Variants in MYO19 observed in about 807,000 individuals in gnomAD.
MYO19 encodes myosin XIX.
In MYO19, 132 loss-of-function variants were observed where a neutral mutation model predicts 129.2. That is an observed-to-expected ratio of 1.02 (90% CI 0.89 to 1.18). MYO19 has a LOEUF of 1.18. Among genes scored for constraint, MYO19 ranks in the 50% most tolerant of loss-of-function variants. The pLI is 0.00. For synonymous variants in MYO19, 531 were observed against 477.2 expected, an observed-to-expected ratio of 1.11 and a Z score of -1.47; for missense variants, 1,210 against 1,216.7, an observed-to-expected ratio of 0.99 and a Z score of 0.08.
rs1263880403 is a variant in MYO19, at chr17:36,528,215, A to T, written c.13-13T>A. The T allele has an allele frequency of 1.2e-5, 18 of 1,560,594 alleles. No individual in the cohort carries two copies. Among genetic ancestry groups the T allele is most frequent in the Non-Finnish European group, 1.5e-5 (17 of 1,151,778 alleles). Reference sequence around the variant, plus strand: ...TGTGGCCATTGACCTGGAAGAGATAACGTGAAGGTGAGGCCAGGCACAGTG... The same window carrying T: ...TGTGGCCATTGACCTGGAAGAGATATCGTGAAGGTGAGGCCAGGCACAGTG... On this transcript the variant is annotated splice_polypyrimidine_tract_variant and intron_variant, in intron 3 of 25. Transcript: ENST00000614623.
At chr17:36,529,657 G>A (rs947562603) in intron 3 of MYO19, among the ~76,000 whole-genome samples, 2 of 152,022 alleles carry the variant, frequency 1.3e-5, no homozygotes, top group Non-Finnish European at 1.5e-5. Context: ...GAGTAACTGC[G>A]GAGGTCAGAG....
chr17:36,514,405 T>C (rs768315376), intron 9 of MYO19, 41 bp downstream of exon 9: 11 of 1,317,422 alleles, frequency 8.3e-6, no homozygotes, highest in Non-Finnish European at 1.2e-5. Flanking sequence ...GACCCATCCC[T>C]GTCTCGCATC....
intron 6 of MYO19, among the ~76,000 whole-genome samples, chr17:36,521,825 G>A (rs1291275136): frequency 1.3e-5 from 2 of 151,966 alleles, no homozygotes; most frequent in Non-Finnish European, 1.5e-5. Context: ...GAGGTCAAGA[G>A]ATCGAGATCA....
chr17:36,537,816 T>C, upstream of MYO19: 1 of 1,614,196 alleles, frequency 6.2e-7, no homozygotes. Context: ...CTGGAACTTT[T>C]TCTTTACCAT....
At chr17:36,512,237 A>ACACACACACAC (rs1567755390) in intron 11 of MYO19, among the ~76,000 whole-genome samples, 4 of 146,680 alleles carry the variant, frequency 2.7e-5, no homozygotes, top group African/African-American at 5.0e-5. Flanking sequence ...ACACACACAC[A>ACACACACACAC]AAATTAGCTG....
intron 25 of MYO19, among the ~76,000 whole-genome samples, chr17:36,497,333 A>G (rs2071080321): frequency 6.6e-6 from 1 of 151,698 alleles, no homozygotes; most frequent in Non-Finnish European, 1.5e-5. Flanking sequence ...AAAAAAAAAA[A>G]ACCCACAGAG....
intron 6 of MYO19, among the ~76,000 whole-genome samples, chr17:36,524,179 T>C (rs1406501651): frequency 2.0e-5 from 3 of 152,146 alleles, no homozygotes; most frequent in African/African-American, 4.8e-5. Flanking sequence ...CACCTTGATA[T>C]AGCTCCTAGA....
upstream of MYO19, chr17:36,543,436 G>T (rs941829445): frequency 1.3e-5 from 2 of 152,222 alleles, no homozygotes; most frequent in African/African-American, 4.8e-5. Flanking sequence ...TTACCGGCGT[G>T]AGCCATGACC....
chr17:36,537,404 G>A (rs1399722245), upstream of MYO19: 1 of 1,613,896 alleles, frequency 6.2e-7, no homozygotes, highest in Non-Finnish European at 8.5e-7. Context: ...ACCGAAGGAG[G>A]ACCTGCTATG....
rs1299864408 is a variant in MYO19 at position 36,506,577 on chromosome 17, A to T, written c.1676T>A (p.Leu559Gln). 12 of 1,562,674 alleles carry T rather than the reference A, an allele frequency of 7.7e-6. No individual in the cohort carries two copies. The highest frequency in any genetic ancestry group is 1.0e-5 in the Non-Finnish European group (12 of 1,160,000). Residue 559 changes from leucine to glutamine, a missense_variant, in exon 18 of 26, where the codon CTG becomes CAG. Coordinates refer to ENST00000614623, the MANE Select transcript of MYO19 (RefSeq NM_001163735.2). ...DPIPPELTRL[L>Q]QQSQDPLLMG... ...GAGCAGGGGGTCCTGGGATTGCTGC[A>T]GGAGCCTGGTCAGCTCAGGTGGGAT...
In MYO19 at chr17:36,515,173, C is replaced by T. The variant is rs1409891050; in HGVS notation, c.557G>A (p.Cys186Tyr). 2 of 1,612,768 alleles carry T rather than the reference C, an allele frequency of 1.2e-6. No individual in the cohort carries two copies. The highest frequency in any genetic ancestry group is 1.1e-5 in the South Asian group (1 of 90,630). Residue 186 changes from cysteine (C) to tyrosine (Y), a missense_variant, in exon 8 of 26, where the codon TGT becomes TAT. Cys to Tyr is a radical substitution (Grantham distance 194). Transcript: ENST00000614623. The part of the protein sequence containing the change: ...NPVMEAFGNA[C>Y]TLRNNNSSRF... ...ACTGCTGTTGTTATTCCTCAGTGTA[C>T]ACGCATTCCCTACAGATCACACCTA...
chr17:36,503,198 A>G lies in MYO19; in HGVS notation c.1979T>C (p.Val660Ala). Residue 660 changes from valine (V) to alanine (A), a missense_variant and splice_region_variant, in exon 21 of 26, where the codon GTC (valine) becomes GCC (alanine). By Grantham distance (64) the Val-to-Ala change is moderately conservative. Coordinates refer to ENST00000614623, the MANE Select transcript of MYO19 (RefSeq NM_001163735.2). ...TCGTTCTACAAAGTTTCGGTGAGAG[A>G]CCCTGGAGGCCAAAGCAGGCAGAAG... ...HISAAGFPIRVSHRNFVERYK... is the reference protein window; with the variant it reads ...HISAAGFPIRASHRNFVERYK... 1 of 1,613,522 alleles carries G rather than the reference A, an allele frequency of 6.2e-7. No homozygotes were observed. Among genetic ancestry groups the G allele is most frequent in the Non-Finnish European group, 8.5e-7 (1 of 1,179,538 alleles).
chr17:36,518,752 A>C (rs940829006), intron 6 of MYO19, among the ~76,000 whole-genome samples: 4 of 151,642 alleles, frequency 2.6e-5, no homozygotes, highest in Non-Finnish European at 5.9e-5. Context: ...AATTTAAAAA[A>C]TAAGATGGTA....
chr17:36,509,011 G>A (rs2072123695), intron 14 of MYO19, 51 bp downstream of exon 14: 3 of 1,529,770 alleles, frequency 2.0e-6, no homozygotes, highest in African/African-American at 1.4e-5. Context: ...TCCATCCAGG[G>A]CTTTATTGCT....
intron 6 of MYO19, among the ~76,000 whole-genome samples, chr17:36,522,028 T>TAAAAA (rs370448301): frequency 4.3e-5 from 5 of 115,196 alleles, no homozygotes; most frequent in Admixed American, 9.2e-5. Flanking sequence ...AGACTGTCTT[T>TAAAAA]AAAAAAAAAA....
At chr17:36,530,885 T>C (rs988495721) in intron 3 of MYO19, among the ~76,000 whole-genome samples, 13 of 152,110 alleles carry the variant, frequency 8.5e-5, no homozygotes, top group South Asian at 4.1e-4. Flanking sequence ...CCTCCCAAAG[T>C]ATTGGGATTA....
At chr17:36,512,852 G>C (rs2072459579) in intron 11 of MYO19, 1 of 1,211,728 alleles carries the variant, frequency 8.3e-7, no homozygotes, top group South Asian at 1.5e-5. Context: ...CCCCTAGTGT[G>C]ACTGAGAGGA....
intron 6 of MYO19, among the ~76,000 whole-genome samples, chr17:36,519,377 C>G (rs954077425): frequency 1.3e-5 from 2 of 152,188 alleles, no homozygotes; most frequent in African/African-American, 4.8e-5. Flanking sequence ...ACCACTTCAG[C>G]TTTCCTTTAT....
chr17:36,515,018 TG>T (rs2072643089), intron 8 of MYO19, 94 bp downstream of exon 8: 2 of 1,116,708 alleles, frequency 1.8e-6, no homozygotes, highest in Admixed American at 4.8e-5. Flanking sequence ...GCAGGGTTTT[TG>T]CCCATAGGGG....
Sources: allele counts gnomAD v4.1 joint callset (sites outside exome capture counted in the v4.1 genomes callset), GRCh38; gene constraint gnomAD v4.1.1; transcripts MANE v1.5; gene names NCBI Gene and HGNC (gene_info 2026-07-23, HGNC 2026-07-21).